The following UNC5C variants were observed in gnomAD, a reference collection of about 807,000 sequenced individuals.
The protein encoded by UNC5C is netrin receptor UNC5C.
UNC5C carries 47 observed loss-of-function variants against 99.8 expected under a neutral mutation model. The observed-to-expected ratio is 0.47, with a 90% confidence interval of 0.37 to 0.60. UNC5C has a LOEUF of 0.60. Among genes scored for constraint, UNC5C ranks in the 20% least tolerant of loss-of-function variants. The pLI is 0.00. For missense variants in UNC5C, 1,062 were observed against 1,165.9 expected (o/e 0.91, Z 1.30); for synonymous variants, 487 against 452.2 (o/e 1.08, Z -0.98).
chr4:95,377,335 C>A (rs1335128335), intron 1 of UNC5C, among the ~76,000 whole-genome samples: 3 of 152,106 alleles, frequency 2.0e-5, no homozygotes, highest in Non-Finnish European at 4.4e-5. Context: ...AATGATTTTC[C>A]CTATCAAGCT....
intron 9 of UNC5C, among the ~76,000 whole-genome samples, chr4:95,218,731 G>A (rs1738349863): frequency 6.6e-6 from 1 of 152,178 alleles, no homozygotes; most frequent in Non-Finnish European, 1.5e-5. Flanking sequence ...CACCTCAGCA[G>A]AAAGTTGTGA....
chr4:95,423,589 T>A (rs1746380649), intron 1 of UNC5C, among the ~76,000 whole-genome samples: 2 of 152,298 alleles, frequency 1.3e-5, no homozygotes, highest in South Asian at 4.1e-4. Flanking sequence ...CATTTTGAGA[T>A]TTTCGTCTTT....
chr4:95,292,493 A>G (rs981162342), intron 3 of UNC5C, among the ~76,000 whole-genome samples: 3 of 152,150 alleles, frequency 2.0e-5, no homozygotes, highest in South Asian at 4.1e-4. Flanking sequence ...TTGTGACAGG[A>G]ATCACCCTAG....
At chr4:95,262,742 T>G (rs1172176131) in intron 4 of UNC5C, among the ~76,000 whole-genome samples, 4 of 152,170 alleles carry the variant, frequency 2.6e-5, no homozygotes, top group Non-Finnish European at 5.9e-5. Flanking sequence ...ATTTATTCTA[T>G]TAGAGTAAAA....
chr4:95,416,240 T>A (rs1746161868), intron 1 of UNC5C, among the ~76,000 whole-genome samples: 1 of 152,126 alleles, frequency 6.6e-6, no homozygotes, highest in East Asian at 1.9e-4. Flanking sequence ...GGGACTAGAC[T>A]AAGAGTTTGG....
chr4:95,484,612 A>G lies in UNC5C; in HGVS notation c.124+64122T>C, dbSNP rs143500897. Among the ~76,000 whole-genome samples the G allele has an allele frequency of 4.2e-3, 634 of 151,924 alleles. 7 individuals carry two copies. Among genetic ancestry groups the G allele is most frequent in the African/African-American group, 0.015 (607 of 41,498 alleles). On this transcript the variant is annotated intron_variant, in intron 1 of 15. Transcript: ENST00000453304. ...CATGGTTCAGCCTCTGTCAGACTGG[A>G]TCCCTGAGTGACAATAAGAAGCTCC...
At chr4:95,454,578 A>G (rs1747378062) in intron 1 of UNC5C, among the ~76,000 whole-genome samples, 1 of 152,100 alleles carries the variant, frequency 6.6e-6, no homozygotes, top group African/African-American at 2.4e-5. Flanking sequence ...TTCAGACAGT[A>G]AATTTGTTCA....
rs117297071 is a variant in UNC5C, at chr4:95,304,770, T to C, written c.347-3021A>G. Among the ~76,000 whole-genome samples the C allele has an allele frequency of 1.2e-3, 179 of 152,342 alleles. 2 individuals are homozygous for C. The East Asian group carries it at 0.031, about 26-fold the overall frequency. On this transcript the variant is annotated intron_variant, in intron 2 of 15. Transcript: ENST00000453304. Reference sequence around the variant, plus strand: ...AGAACTATAATGGTTCTTTATACGATGCAGAGCAGCAACTAATATGCTCAG... The same window carrying C: ...AGAACTATAATGGTTCTTTATACGACGCAGAGCAGCAACTAATATGCTCAG...
At chr4:95,226,529 T>C (rs1049880621) in intron 7 of UNC5C, among the ~76,000 whole-genome samples, 3 of 152,178 alleles carry the variant, frequency 2.0e-5, no homozygotes, top group Non-Finnish European at 4.4e-5. Context: ...ACATAGCCTA[T>C]TATCTAATGA....
At chr4:95,394,540 A>G (rs2149446213) in intron 1 of UNC5C, among the ~76,000 whole-genome samples, 1 of 152,278 alleles carries the variant, frequency 6.6e-6, no homozygotes, top group East Asian at 1.9e-4. Context: ...ATTGGGTGAG[A>G]AATATTCAAT....
rs1380031477 is a variant in UNC5C at position 95,295,910 on chromosome 4, C to A, written c.490+5696G>T. Among the ~76,000 whole-genome samples the A allele has an allele frequency of 3.9e-5, 6 of 152,184 alleles. No homozygotes were observed. The South Asian group carries it at 6.2e-4, about 16-fold the overall frequency. Reference sequence around the variant, plus strand: ...GACCAGCCTGGGCAACATGGAGGGACCCCTATTTCTACTAAAAATACAAAA... The same window carrying A: ...GACCAGCCTGGGCAACATGGAGGGAACCCTATTTCTACTAAAAATACAAAA... On this transcript the variant is annotated intron_variant, in intron 3 of 15. Coordinates refer to ENST00000453304, the MANE Select transcript of UNC5C (RefSeq NM_003728.4).
chr4:95,451,065 AT>A (rs369000891), intron 1 of UNC5C, among the ~76,000 whole-genome samples: 283 of 152,364 alleles, frequency 1.9e-3, no homozygotes, highest in African/African-American at 6.2e-3. Flanking sequence ...TTTCATAAAA[AT>A]ATGAAAAATC....
intron 10 of UNC5C, among the ~76,000 whole-genome samples, chr4:95,208,858 G>T (rs1019200622): frequency 7.2e-5 from 11 of 152,128 alleles, no homozygotes; most frequent in African/African-American, 2.7e-4. Flanking sequence ...TATGGTTTAC[G>T]TATTATTTAT....
intron 1 of UNC5C, among the ~76,000 whole-genome samples, chr4:95,394,884 G>A (rs948885605): frequency 2.0e-5 from 3 of 152,074 alleles, no homozygotes; most frequent in African/African-American, 7.2e-5. Context: ...ACAACAGGCT[G>A]TGAAAATAGT....
At chr4:95,230,533 A>G (rs1432936611) in intron 7 of UNC5C, among the ~76,000 whole-genome samples, 2 of 152,002 alleles carry the variant, frequency 1.3e-5, no homozygotes, top group Non-Finnish European at 2.9e-5. Flanking sequence ...TATGTCCTGA[A>G]TGGTATTGCC....
At chr4:95,236,340 A>T (rs1280239980) in intron 7 of UNC5C, among the ~76,000 whole-genome samples, 3 of 151,682 alleles carry the variant, frequency 2.0e-5, no homozygotes, top group African/African-American at 7.3e-5. Flanking sequence ...AGGACAAAAA[A>T]CCAAACATCG....
intron 2 of UNC5C, among the ~76,000 whole-genome samples, chr4:95,312,071 CA>C (rs1476163243): frequency 6.6e-6 from 1 of 150,378 alleles, no homozygotes; most frequent in Non-Finnish European, 1.5e-5. Context: ...CAAACAAAAA[CA>C]ACAACAACAA....
chr4:95,259,498 T>C (rs886626565), intron 4 of UNC5C, among the ~76,000 whole-genome samples: 4 of 152,322 alleles, frequency 2.6e-5, no homozygotes, highest in Admixed American at 6.5e-5. Context: ...AATATTAGGT[T>C]ATAACTCTTC....
Position 95,258,702 on chromosome 4 carries a change from G to A in UNC5C, c.595-8035C>T, listed in dbSNP as rs866988040. ...TGACCTGTTTGCCTATTCTGCTGTT[G>A]TTTGGTGTTATTAGTCCCACTATGT... On this transcript the variant is annotated intron_variant, in intron 4 of 15. Transcript: ENST00000453304. 4.7e-5 allele frequency among the ~76,000 whole-genome samples: 6 copies of A among 128,818 alleles called. No individual in the cohort carries two copies. In the South Asian group the frequency reaches 1.3e-3, roughly 29 times the overall value. 84.5% of individuals were successfully genotyped at this position (128,818 alleles called of 152,430 possible).
Sources: gnomAD v4.1 joint callset for allele counts (sites outside exome capture counted in the v4.1 genomes callset) on GRCh38, gnomAD v4.1.1 for gene constraint, MANE v1.5 for transcripts, NCBI Gene and HGNC (gene_info 2026-07-23, HGNC 2026-07-21) for gene names.